CNTNAP2: variants seen among roughly 807,000 people sequenced by gnomAD.
CNTNAP2 encodes contactin-associated protein-like 2.
Under a neutral mutation model 155.2 loss-of-function variants are expected in CNTNAP2, and 98 were observed. The ratio of observed to expected loss-of-function variants is 0.63; its 90% CI spans 0.54 to 0.75. The LOEUF is 0.75. CNTNAP2 is among the 30% of genes least tolerant of loss of function. The pLI, the probability that CNTNAP2 is intolerant of heterozygous loss-of-function variation, is 0.00. For synonymous variants in CNTNAP2, 651 were observed against 631.2 expected, an observed-to-expected ratio of 1.03 and a Z score of -0.47; for missense variants, 1,727 against 1,688.1, an observed-to-expected ratio of 1.02 and a Z score of -0.40.
At chr7:148,383,580 A>G in intron 21 of CNTNAP2, 69 bp from the exon 22 acceptor site, 3 of 1,610,782 alleles carry the variant, frequency 1.9e-6, no homozygotes, top group Non-Finnish European at 1.7e-6. Context: ...CAAGCATTCA[A>G]AGACAGGTAT....
At chr7:147,741,029 A>G (rs1243697088) in intron 13 of CNTNAP2, among the ~76,000 whole-genome samples, 1 of 152,238 alleles carries the variant, frequency 6.6e-6, no homozygotes, top group Non-Finnish European at 1.5e-5. Context: ...GGAAGATGGC[A>G]GTCCTCAGGC....
At chr7:146,363,140 G>A (rs911540470) in intron 1 of CNTNAP2, among the ~76,000 whole-genome samples, 7 of 152,222 alleles carry the variant, frequency 4.6e-5, no homozygotes, top group East Asian at 1.9e-4. Context: ...AATAGGCCAG[G>A]CATTTTTCTA....
chr7:148,121,036 A>AT (rs992410903), intron 16 of CNTNAP2, among the ~76,000 whole-genome samples: 45 of 151,148 alleles, frequency 3.0e-4, no homozygotes, highest in African/African-American at 9.5e-4. Context: ...TTTTTCTTTA[A>AT]TTTTTTTTTA....
At chr7:147,987,428 G>A (rs1233462902) in intron 15 of CNTNAP2, among the ~76,000 whole-genome samples, 1 of 152,168 alleles carries the variant, frequency 6.6e-6, no homozygotes, top group Non-Finnish European at 1.5e-5. Flanking sequence ...TTTCTTACCT[G>A]TCCTTTCAAA....
At chr7:146,670,368 A>G (rs1800281105) in intron 1 of CNTNAP2, among the ~76,000 whole-genome samples, 1 of 152,126 alleles carries the variant, frequency 6.6e-6, no homozygotes, top group Non-Finnish European at 1.5e-5. Flanking sequence ...AGCGTATGCC[A>G]TGGACTTTTT....
chr7:146,510,942 C>A, intron 1 of CNTNAP2, among the ~76,000 whole-genome samples: 1 of 152,138 alleles, frequency 6.6e-6, no homozygotes, highest in East Asian at 1.9e-4. Flanking sequence ...TGTCACCCAG[C>A]CTGGAGTGCA....
chr7:146,194,111 C>T (rs558368530), intron 1 of CNTNAP2, among the ~76,000 whole-genome samples: 9 of 152,288 alleles, frequency 5.9e-5, no homozygotes, highest in African/African-American at 2.2e-4. Flanking sequence ...CAAACTTTCT[C>T]ACATTTTCCT....
At chr7:148,237,327 G>A (rs558000165) in intron 20 of CNTNAP2, among the ~76,000 whole-genome samples, 9 of 152,316 alleles carry the variant, frequency 5.9e-5, no homozygotes, top group African/African-American at 1.9e-4. Flanking sequence ...TTGTACTAAT[G>A]TCCAAAAATA....
chr7:147,876,178 C>G (rs1347836235), intron 13 of CNTNAP2, among the ~76,000 whole-genome samples: 2 of 152,174 alleles, frequency 1.3e-5, no homozygotes, highest in Non-Finnish European at 2.9e-5. Context: ...GTGTCTCTCC[C>G]TGTCTCTCTG....
chr7:148,362,526 G>A (rs768287853), intron 21 of CNTNAP2, among the ~76,000 whole-genome samples: 4 of 152,252 alleles, frequency 2.6e-5, no homozygotes, highest in Non-Finnish European at 4.4e-5. Flanking sequence ...CCCTTGTGGC[G>A]CTGAGGTGCT....
At chr7:147,986,984 T>C (rs1801630343) in intron 15 of CNTNAP2, among the ~76,000 whole-genome samples, 1 of 151,778 alleles carries the variant, frequency 6.6e-6, no homozygotes, top group Non-Finnish European at 1.5e-5. Flanking sequence ...GAGTGATGTG[T>C]AGAAATCATT....
At chr7:147,492,733 C>T (rs1487236723) in intron 11 of CNTNAP2, among the ~76,000 whole-genome samples, 2 of 152,186 alleles carry the variant, frequency 1.3e-5, no homozygotes, top group Admixed American at 6.5e-5. Flanking sequence ...ACGCTTGCTG[C>T]ATTAAGTGTG....
intron 1 of CNTNAP2, among the ~76,000 whole-genome samples, chr7:146,555,837 T>C (rs1798190852): frequency 6.6e-6 from 1 of 152,186 alleles, no homozygotes; most frequent in African/African-American, 2.4e-5. Context: ...AGAACATGTC[T>C]AACTTCTCCA....
intron 21 of CNTNAP2, among the ~76,000 whole-genome samples, chr7:148,299,533 GCA>G (rs1674013330): frequency 6.6e-6 from 1 of 152,116 alleles, no homozygotes; most frequent in Non-Finnish European, 1.5e-5. Context: ...GTTTCCAAGG[GCA>G]CACAGATAAC....
chr7:147,070,618 A>G (rs1466436515), intron 4 of CNTNAP2, among the ~76,000 whole-genome samples: 1 of 152,170 alleles, frequency 6.6e-6, no homozygotes, highest in African/African-American at 2.4e-5. Context: ...GGTTCCAGGG[A>G]ATTTGAAGAG....
rs143698151 is a variant in CNTNAP2, at chr7:148,015,657, T to A, written c.2383+37668T>A. Among the ~76,000 whole-genome samples the A allele has an allele frequency of 1.1e-4, 17 of 152,184 alleles. No homozygotes were observed. In the East Asian group the frequency reaches 3.3e-3, roughly 29 times the overall value. On this transcript the variant is annotated intron_variant, in intron 15 of 23. Transcript: ENST00000361727. ...CCCATTTCCAAGTTTCTCTTAAAAATCCCCAGGTCCCAACACACACCAACC... is the reference window on the plus strand; with the variant it reads ...CCCATTTCCAAGTTTCTCTTAAAAAACCCCAGGTCCCAACACACACCAACC...
chr7:146,322,131 A>G lies in CNTNAP2; in HGVS notation c.97+205158A>G, dbSNP rs113262905. ...GGAGTGGGTTGAGGGGAAGGAAGGT[A>G]TTAGGTAACCTTCACTTTTTATTCT... On this transcript the variant is annotated intron_variant, in intron 1 of 23. Coordinates refer to ENST00000361727, the MANE Select transcript of CNTNAP2 (RefSeq NM_014141.6). Among the ~76,000 whole-genome samples, 571 of 152,296 alleles carry G rather than the reference A, an allele frequency of 3.7e-3. 1 individual carries two copies. The highest frequency in any genetic ancestry group is 6.4e-3 in the Non-Finnish European group (438 of 68,016).
intron 3 of CNTNAP2, among the ~76,000 whole-genome samples, chr7:146,977,866 A>G (rs1563029313): frequency 1.3e-5 from 2 of 152,318 alleles, no homozygotes; most frequent in Non-Finnish European, 1.5e-5. Flanking sequence ...TTGATATGGA[A>G]GAGAGATAAG....
chr7:148,283,304 A>AAGG lies in CNTNAP2; in HGVS notation c.3475+16179_3475+16180insGGA, dbSNP rs1797017609. The stretch of plus-strand genomic sequence containing the variant: ...GAAAGAAAGAAAGAAAGAAAGAAAG[A>AAGG]AAGGAAGGAAGGAAGGAAAGAAAGA... On this transcript the variant is annotated intron_variant, in intron 21 of 23. Coordinates refer to ENST00000361727, the MANE Select transcript of CNTNAP2 (RefSeq NM_014141.6). Among the ~76,000 whole-genome samples, 17 of 89,416 alleles carry AAGG rather than the reference A, an allele frequency of 1.9e-4. 1 individual carries two copies. The highest frequency in any genetic ancestry group is 8.8e-4 in the African/African-American group (15 of 17,140). The allele number at this position is 89,416 out of a possible 152,430, so 58.7% of individuals were successfully genotyped here. A position where few individuals can be genotyped will look rare whatever the true frequency, so the allele number is the denominator to read the frequency against.
Sources: gnomAD v4.1 joint callset for allele counts (sites outside exome capture counted in the v4.1 genomes callset) on GRCh38, gnomAD v4.1.1 for gene constraint, MANE v1.5 for transcripts, NCBI Gene and HGNC (gene_info 2026-07-23, HGNC 2026-07-21) for gene names.